The following CDH20 variants were observed in gnomAD, a reference collection of about 807,000 sequenced individuals.
CDH20 encodes the protein cadherin 20.
In CDH20, 29 loss-of-function variants were observed where a neutral mutation model predicts 74.2. The ratio of observed to expected loss-of-function variants is 0.39; its 90% CI spans 0.29 to 0.53. CDH20 has a LOEUF of 0.53. Ranked by LOEUF, CDH20 falls within the 20% of genes least tolerant of loss-of-function variation. The pLI, the probability that CDH20 is intolerant of heterozygous loss-of-function variation, is 0.69. For missense variants in CDH20, 988 were observed against 1,048.3 expected (o/e 0.94, Z 0.79); for synonymous variants, 469 against 405.4 (o/e 1.16, Z -1.88).
Position 61,554,476 on chromosome 18 carries a change from GCTCTACGA to G in CDH20, c.2188_2195del (p.Leu730GlyfsTer105), listed in dbSNP as rs1568189043. The G allele has an allele frequency of 1.2e-6, 2 of 1,613,062 alleles. No homozygotes were observed. The highest frequency in any genetic ancestry group is 2.2e-5 in the South Asian group (2 of 90,994). On this transcript the variant is annotated frameshift_variant, in exon 12 of 12. Transcript: ENST00000262717. LOFTEE classifies it high-confidence loss of function. Reference sequence around the variant, plus strand: ...CTGTCCACAGCTACGTGCTGGCCAAGCTCTACGAGGCCGACATGGACCTGTGGGCACCG... The same window carrying G: ...CTGTCCACAGCTACGTGCTGGCCAAGGGCCGACATGGACCTGTGGGCACCG...
chr18:61,492,553 T>C (rs1910995397), intron 2 of CDH20, among the ~76,000 whole-genome samples: 1 of 152,232 alleles, frequency 6.6e-6, no homozygotes, highest in Non-Finnish European at 1.5e-5. Flanking sequence ...GCCTGCCTCC[T>C]GGCATCCACC....
intron 10 of CDH20, among the ~76,000 whole-genome samples, 187 bp downstream of exon 10, chr18:61,545,331 C>G (rs567997129): frequency 6.8e-6 from 1 of 146,048 alleles, no homozygotes; most frequent in Non-Finnish European, 1.5e-5. Flanking sequence ...TGGTCTTGAA[C>G]TCTTGGCTTC....
At chr18:61,406,457 T>C (rs1051379245) in intron 1 of CDH20, among the ~76,000 whole-genome samples, 4 of 152,204 alleles carry the variant, frequency 2.6e-5, no homozygotes, top group Non-Finnish European at 5.9e-5. Context: ...ACAAGACAGA[T>C]GGGGTGAGAC....
chr18:61,423,731 A>G (rs1178468656), intron 1 of CDH20, among the ~76,000 whole-genome samples: 1 of 152,090 alleles, frequency 6.6e-6, no homozygotes, highest in Non-Finnish European at 1.5e-5. Flanking sequence ...AGCTTTTTGA[A>G]CTCATTCTAT....
chr18:61,334,948 G>A (rs920834727), intron 1 of CDH20, among the ~76,000 whole-genome samples: 7 of 151,920 alleles, frequency 4.6e-5, no homozygotes, highest in Admixed American at 4.6e-4. Flanking sequence ...AAATGTCCCC[G>A]GACCTCCTCC....
At chr18:61,399,723 G>A (rs1189221944) in intron 1 of CDH20, among the ~76,000 whole-genome samples, 1 of 151,930 alleles carries the variant, frequency 6.6e-6, no homozygotes, top group Non-Finnish European at 1.5e-5. Context: ...TCAGTCTCAG[G>A]GATCAACTTA....
Position 61,512,840 on chromosome 18 carries a change from T to C in CDH20, c.1017+5280T>C, listed in dbSNP as rs550663926. Among the ~76,000 whole-genome samples the C allele has an allele frequency of 2.6e-3, 399 of 152,300 alleles. 2 individuals are homozygous for C. The highest frequency in any genetic ancestry group is 8.9e-3 in the African/African-American group (369 of 41,550). ...GAGTGAGATTCTTAATCCTGAGTTC[T>C]AGTTTGATTGCACTGTGGTCTGAGA... On this transcript the variant is annotated intron_variant, in intron 6 of 11. Coordinates refer to ENST00000262717, the MANE Select transcript of CDH20 (RefSeq NM_031891.4).
At chr18:61,344,527 T>C (rs905418919) in intron 1 of CDH20, among the ~76,000 whole-genome samples, 1 of 152,210 alleles carries the variant, frequency 6.6e-6, no homozygotes, top group South Asian at 2.1e-4. Flanking sequence ...TTGAGACATA[T>C]GGCTATTTAA....
chr18:61,464,754 A>T (rs1008236358), intron 1 of CDH20, among the ~76,000 whole-genome samples: 2 of 152,200 alleles, frequency 1.3e-5, no homozygotes, highest in East Asian at 3.9e-4. Flanking sequence ...ATCTAGGACT[A>T]GGAGGAAACA....
intron 1 of CDH20, among the ~76,000 whole-genome samples, chr18:61,372,973 C>T (rs1225837784): frequency 6.6e-6 from 1 of 152,108 alleles, no homozygotes; most frequent in Non-Finnish European, 1.5e-5. Context: ...TTCCAGTACA[C>T]TCTAGGGACC....
chr18:61,436,212 A>T (rs1364661506), intron 1 of CDH20, among the ~76,000 whole-genome samples: 1 of 152,220 alleles, frequency 6.6e-6, no homozygotes, highest in Non-Finnish European at 1.5e-5. Context: ...GGCTATTATG[A>T]ATAGCACTGC....
chr18:61,513,771 C>T (rs1259399150), intron 6 of CDH20, among the ~76,000 whole-genome samples: 9 of 152,090 alleles, frequency 5.9e-5, no homozygotes, highest in Non-Finnish European at 1.2e-4. Flanking sequence ...CTTAGTTTGG[C>T]TGGATATGAA....
chr18:61,423,973 G>C (rs761609251), intron 1 of CDH20, among the ~76,000 whole-genome samples: 3 of 152,108 alleles, frequency 2.0e-5, no homozygotes, highest in Non-Finnish European at 2.9e-5. Flanking sequence ...TCTCTGGCAA[G>C]TATACCCTTC....
At chr18:61,515,248 G>A (rs1289804147) in intron 6 of CDH20, among the ~76,000 whole-genome samples, 5 of 152,126 alleles carry the variant, frequency 3.3e-5, no homozygotes, top group Admixed American at 2.0e-4. Flanking sequence ...ATTCGGGTAG[G>A]AGTGACCCGA....
chr18:61,386,818 A>T (rs1911616433), intron 1 of CDH20, among the ~76,000 whole-genome samples: 1 of 152,240 alleles, frequency 6.6e-6, no homozygotes, highest in Admixed American at 6.5e-5. Flanking sequence ...AAAAAAGGAT[A>T]GAATATTTAT....
intron 1 of CDH20, among the ~76,000 whole-genome samples, chr18:61,375,495 C>T (rs1172141554): frequency 6.6e-6 from 1 of 152,142 alleles, no homozygotes; most frequent in Non-Finnish European, 1.5e-5. Context: ...CTTCGTGCTA[C>T]TTCGTGCTAC....
chr18:61,466,658 G>A (rs1490893616), intron 1 of CDH20, among the ~76,000 whole-genome samples: 1 of 152,076 alleles, frequency 6.6e-6, no homozygotes, highest in African/African-American at 2.4e-5. Context: ...ATCTATCTAG[G>A]GACTAACCTA....
chr18:61,405,935 T>A (rs1443313821), intron 1 of CDH20, among the ~76,000 whole-genome samples: 1 of 152,182 alleles, frequency 6.6e-6, no homozygotes, highest in Non-Finnish European at 1.5e-5. Context: ...CTTTGTCTGT[T>A]AGGATGTGCA....
chr18:61,414,924 T>C (rs965079416), intron 1 of CDH20, among the ~76,000 whole-genome samples: 14 of 152,086 alleles, frequency 9.2e-5, no homozygotes, highest in Non-Finnish European at 1.9e-4. Flanking sequence ...ACCATCCATC[T>C]CCAGAACTTC....
Sources: gnomAD v4.1 joint callset for allele counts (sites outside exome capture counted in the v4.1 genomes callset) on GRCh38, gnomAD v4.1.1 for gene constraint, MANE v1.5 for transcripts, NCBI Gene and HGNC (gene_info 2026-07-23, HGNC 2026-07-21) for gene names.